The following GOLPH3 variants were observed in gnomAD, a reference collection of about 807,000 sequenced individuals.
GOLPH3 encodes the protein golgi phosphoprotein 3.
Under a neutral mutation model 28.5 loss-of-function variants are expected in GOLPH3, and 14 were observed. The observed-to-expected ratio is 0.49, with a 90% CI of 0.32 to 0.77. The LOEUF (loss-of-function observed/expected upper bound fraction) is 0.77. Ranked by LOEUF, GOLPH3 falls within the 30% of genes least tolerant of loss-of-function variation. The pLI, the probability that GOLPH3 is intolerant of heterozygous loss-of-function variation, is 0.03. For missense variants in GOLPH3, 350 were observed against 393.7 expected, an observed-to-expected ratio of 0.89 and a Z score of 0.94; for synonymous variants, 158 against 159.2, an observed-to-expected ratio of 0.99 and a Z score of 0.06.
intron 1 of GOLPH3, among the ~76,000 whole-genome samples, chr5:32,144,611 T>C (rs1051881438): frequency 2.0e-5 from 3 of 152,150 alleles, no homozygotes; most frequent in Admixed American, 1.3e-4. Flanking sequence ...ACTGTTAATT[T>C]TGTAAGAAGA....
chr5:32,145,770 G>A (rs1362925439), intron 1 of GOLPH3, among the ~76,000 whole-genome samples: 1 of 152,194 alleles, frequency 6.6e-6, no homozygotes, highest in Non-Finnish European at 1.5e-5. Flanking sequence ...TCTAAATTTA[G>A]TGAATGGCTT....
chr5:32,143,934 A>G, intron 1 of GOLPH3, 54 bp from the exon 2 acceptor site: 2 of 1,284,702 alleles, frequency 1.6e-6, no homozygotes, highest in South Asian at 3.2e-5. Context: ...CCTTGAATTC[A>G]GAGTAAAAAA....
At chr5:32,162,277 G>A (rs1046722192) in intron 1 of GOLPH3, among the ~76,000 whole-genome samples, 3 of 150,834 alleles carry the variant, frequency 2.0e-5, no homozygotes, top group Non-Finnish European at 4.4e-5. Context: ...CGGATCACGA[G>A]GTCAGGAGAT....
chr5:32,132,888 A>AT (rs1745851906), intron 3 of GOLPH3, among the ~76,000 whole-genome samples: 1 of 151,906 alleles, frequency 6.6e-6, no homozygotes, highest in Non-Finnish European at 1.5e-5. Flanking sequence ...ATTTTTTTTA[A>AT]TTTTTTTAAC....
chr5:32,144,294 T>G (rs1746144244), intron 1 of GOLPH3, among the ~76,000 whole-genome samples: 1 of 152,238 alleles, frequency 6.6e-6, no homozygotes, highest in African/African-American at 2.4e-5. Context: ...AGAATTAGAA[T>G]ACCATTCATT....
intron 2 of GOLPH3, among the ~76,000 whole-genome samples, chr5:32,142,655 G>A (rs1450116751): frequency 2.8e-5 from 4 of 143,696 alleles, no homozygotes; most frequent in African/African-American, 5.2e-5. Context: ...AGGTGGGGGG[G>A]TCAGCCCCCA....
intron 1 of GOLPH3, 90 bp downstream of exon 1, chr5:32,173,720 G>A: frequency 1.1e-6 from 1 of 928,246 alleles, no homozygotes; most frequent in South Asian, 4.1e-5. Flanking sequence ...CGGGCCGGAA[G>A]CCTCGGGCGC....
At chr5:32,139,231 C>G (rs1482447734) in intron 2 of GOLPH3, among the ~76,000 whole-genome samples, 1 of 152,092 alleles carries the variant, frequency 6.6e-6, no homozygotes, top group Admixed American at 6.5e-5. Context: ...TGCAGTATAA[C>G]AATTGTTTAT....
Position 32,125,589 on chromosome 5 carries a change from A to C in GOLPH3, c.*623T>G, listed in dbSNP as rs751747037. The C allele has an allele frequency of 6.5e-6, 1 of 152,724 alleles. No individual in the cohort carries two copies. Among genetic ancestry groups the C allele is most frequent in the Non-Finnish European group, 1.5e-5 (1 of 68,094 alleles). The allele number at this position is 152,724 out of a possible 1,614,324, so 9.5% of individuals were successfully genotyped here. ...CATAAATGGAATGCAGCCCATCCCA[A>C]ACTGGCTCTGTGAAACAATTGGACC... On this transcript the variant is annotated 3_prime_UTR_variant, in exon 4 of 4. Coordinates refer to ENST00000265070, the MANE Select transcript of GOLPH3 (RefSeq NM_022130.4).
chr5:32,173,337 A>C (rs1307987473), intron 1 of GOLPH3, among the ~76,000 whole-genome samples: 1 of 151,470 alleles, frequency 6.6e-6, no homozygotes, highest in Non-Finnish European at 1.5e-5. Flanking sequence ...GCTTTAACTG[A>C]AGAAGAAGAA....
At position 32,163,408 on chromosome 5, in the gene GOLPH3, C is replaced by T. The variant is rs1370000822; in HGVS notation, c.225+10402G>A. 5.3e-5 allele frequency among the ~76,000 whole-genome samples: 8 copies of T among 152,078 alleles called. No individual in the cohort carries two copies. The East Asian group carries it at 1.2e-3, about 22-fold the overall frequency. ...TTTTTCTTTGTGGCCGGGGGCACAGCGGCTCACATCTGTGATCCCAGCACT... is the reference window on the plus strand; with the variant it reads ...TTTTTCTTTGTGGCCGGGGGCACAGTGGCTCACATCTGTGATCCCAGCACT... On this transcript the variant is annotated intron_variant, in intron 1 of 3. Transcript: ENST00000265070.
intron 1 of GOLPH3, among the ~76,000 whole-genome samples, chr5:32,146,043 G>A (rs1163742365): frequency 6.6e-6 from 1 of 152,072 alleles, no homozygotes; most frequent in African/African-American, 2.4e-5. Context: ...TGTAATCCCA[G>A]CACTTCGGGA....
intron 3 of GOLPH3, among the ~76,000 whole-genome samples, chr5:32,130,791 TTA>T (rs1745811598): frequency 6.6e-6 from 1 of 152,208 alleles, no homozygotes; most frequent in Non-Finnish European, 1.5e-5. Flanking sequence ...GATTAATAGT[TTA>T]TGACTACTGT....
At chr5:32,161,919 C>A (rs554833267) in intron 1 of GOLPH3, among the ~76,000 whole-genome samples, 9 of 150,870 alleles carry the variant, frequency 6.0e-5, no homozygotes, top group African/African-American at 2.0e-4. Flanking sequence ...CCTAGCTACT[C>A]GGGAGGCTGA....
intron 1 of GOLPH3, among the ~76,000 whole-genome samples, chr5:32,148,763 C>T (rs1746235701): frequency 1.3e-5 from 2 of 152,310 alleles, no homozygotes; most frequent in South Asian, 2.1e-4. Flanking sequence ...CGCCAATGCA[C>T]TCCAGCCTGG....
At chr5:32,171,659 T>C (rs368118158) in intron 1 of GOLPH3, among the ~76,000 whole-genome samples, 3 of 152,004 alleles carry the variant, frequency 2.0e-5, no homozygotes, top group Non-Finnish European at 4.4e-5. Context: ...AAAAGAAAAA[T>C]GTTTATGGCC....
chr5:32,140,237 C>T (rs1280652842), intron 2 of GOLPH3, among the ~76,000 whole-genome samples: 5 of 151,854 alleles, frequency 3.3e-5, no homozygotes, highest in African/African-American at 1.2e-4. Context: ...GGCACAGTGG[C>T]TCACGTCTGT....
At chr5:32,154,386 A>C (rs1561675404) in intron 1 of GOLPH3, among the ~76,000 whole-genome samples, 1 of 152,236 alleles carries the variant, frequency 6.6e-6, no homozygotes, top group Non-Finnish European at 1.5e-5. Flanking sequence ...CTAGTGGCAG[A>C]TCTAATAACT....
At chr5:32,167,306 G>C (rs1395978568) in intron 1 of GOLPH3, among the ~76,000 whole-genome samples, 1 of 152,022 alleles carries the variant, frequency 6.6e-6, no homozygotes, top group Non-Finnish European at 1.5e-5. Flanking sequence ...CGAGTAGCTG[G>C]GATTACAGGT....
Sources: gnomAD v4.1 joint callset for allele counts (sites outside exome capture counted in the v4.1 genomes callset) on GRCh38, gnomAD v4.1.1 for gene constraint, MANE v1.5 for transcripts, NCBI Gene and HGNC (gene_info 2026-07-23, HGNC 2026-07-21) for gene names.